SPAG16: variants seen among roughly 807,000 people sequenced by gnomAD.
SPAG16 encodes sperm-associated antigen 16 protein.
In SPAG16, 86 loss-of-function variants were observed where a neutral mutation model predicts 80.4. That is an observed-to-expected ratio of 1.07 (90% confidence interval 0.90 to 1.28). The LOEUF (loss-of-function observed/expected upper bound fraction) is 1.28. Among genes scored for constraint, SPAG16 ranks in the 50% most tolerant of loss-of-function variants. The pLI is 0.00. For missense variants in SPAG16, 870 were observed against 765.3 expected (o/e 1.14, Z -1.61); for synonymous variants, 294 against 265.9 (o/e 1.11, Z -1.03).
chr2:213,621,646 A>G (rs1010572202), intron 10 of SPAG16, among the ~76,000 whole-genome samples: 5 of 152,230 alleles, frequency 3.3e-5, no homozygotes, highest in Non-Finnish European at 7.4e-5. Flanking sequence ...ACAGTGAGAT[A>G]CATTTGAAAA....
In SPAG16 at chr2:213,487,358, G is replaced by GT. The variant is rs1191297337; in HGVS notation, c.943-2597dup. On this transcript the variant is annotated intron_variant, in intron 9 of 15. Transcript: ENST00000331683. ...TCTTGTCAATACAAAAAAAGGTTAT[G>GT]TTTTTTTTGCTTGGAAGAATAATTT... is the stretch of plus-strand genomic sequence containing the variant. Among the ~76,000 whole-genome samples, 10 of 151,640 alleles carry GT rather than the reference G, an allele frequency of 6.6e-5. No homozygotes were observed. The East Asian group carries it at 7.7e-4, about 12-fold the overall frequency.
chr2:213,633,965 T>G (rs1192554659), intron 10 of SPAG16, among the ~76,000 whole-genome samples: 2 of 152,138 alleles, frequency 1.3e-5, no homozygotes, highest in African/African-American at 4.8e-5. Flanking sequence ...GATTTTGTTT[T>G]GTCATCCATT....
chr2:213,409,470 C>T (rs184586389), intron 9 of SPAG16, among the ~76,000 whole-genome samples: 36 of 152,158 alleles, frequency 2.4e-4, no homozygotes, highest in Admixed American at 6.5e-4. Flanking sequence ...TAAACATACT[C>T]GCTAAAGTTA....
At chr2:213,541,595 G>A (rs1227745736) in intron 10 of SPAG16, among the ~76,000 whole-genome samples, 2 of 152,154 alleles carry the variant, frequency 1.3e-5, no homozygotes, top group Non-Finnish European at 2.9e-5. Flanking sequence ...ACTCCAGCCT[G>A]GGTGACACAG....
intron 15 of SPAG16, among the ~76,000 whole-genome samples, chr2:214,352,584 C>CGTGTGACTGAG (rs1698495974): frequency 7.6e-6 from 1 of 131,382 alleles, no homozygotes; most frequent in African/African-American, 4.0e-5. Flanking sequence ...GTATGTGTGA[C>CGTGTGACTGAG]TATCTCCTAA....
At chr2:214,001,851 G>C (rs1302305457) in intron 12 of SPAG16, among the ~76,000 whole-genome samples, 2 of 152,092 alleles carry the variant, frequency 1.3e-5, no homozygotes, top group Non-Finnish European at 2.9e-5. Flanking sequence ...AGTAAAGTAA[G>C]AGTTTGTGCG....
chr2:214,168,904 G>C (rs375563010), intron 15 of SPAG16, among the ~76,000 whole-genome samples: 1 of 152,106 alleles, frequency 6.6e-6, no homozygotes, highest in Non-Finnish European at 1.5e-5. Context: ...GGTAGCCTGA[G>C]CAAGTGTTGT....
intron 9 of SPAG16, among the ~76,000 whole-genome samples, chr2:213,483,168 C>A (rs1233073430): frequency 6.6e-6 from 1 of 152,072 alleles, no homozygotes; most frequent in Non-Finnish European, 1.5e-5. Flanking sequence ...GGATGCATGG[C>A]ATTCTATGGT....
At chr2:213,764,370 A>C (rs1407054824) in intron 10 of SPAG16, among the ~76,000 whole-genome samples, 1 of 151,792 alleles carries the variant, frequency 6.6e-6, no homozygotes, top group Non-Finnish European at 1.5e-5. Context: ...AGGAACATTC[A>C]GGGGGAAAAA....
At chr2:213,999,946 A>G (rs2046711710) in intron 12 of SPAG16, among the ~76,000 whole-genome samples, 1 of 152,176 alleles carries the variant, frequency 6.6e-6, no homozygotes, top group Admixed American at 6.5e-5. Flanking sequence ...TGTATCTAGG[A>G]AGTAACTAGC....
At chr2:213,831,263 C>T (rs1244559432) in intron 10 of SPAG16, among the ~76,000 whole-genome samples, 1 of 151,908 alleles carries the variant, frequency 6.6e-6, no homozygotes, top group Non-Finnish European at 1.5e-5. Context: ...TGGTCTCGAA[C>T]TCCTGACCTC....
chr2:213,844,802 C>A (rs1376923092), intron 10 of SPAG16, among the ~76,000 whole-genome samples: 1 of 152,098 alleles, frequency 6.6e-6, no homozygotes, highest in Non-Finnish European at 1.5e-5. Flanking sequence ...TGTTTTTAGT[C>A]ATTCGTCTTT....
intron 10 of SPAG16, among the ~76,000 whole-genome samples, chr2:213,694,821 G>A (rs934728340): frequency 6.7e-6 from 1 of 149,322 alleles, no homozygotes; most frequent in African/African-American, 2.5e-5. Context: ...CTCCTGTTCT[G>A]AATTCTGTAA....
At chr2:213,436,269 G>T (rs571838881) in intron 9 of SPAG16, among the ~76,000 whole-genome samples, 7 of 152,226 alleles carry the variant, frequency 4.6e-5, no homozygotes, top group Non-Finnish European at 1.0e-4. Flanking sequence ...ACATTTAAGA[G>T]TGAGGAGAAA....
intron 11 of SPAG16, among the ~76,000 whole-genome samples, chr2:213,870,168 A>T (rs2075891637): frequency 6.6e-6 from 1 of 152,152 alleles, no homozygotes; most frequent in African/African-American, 2.4e-5. Context: ...GCTGTTGCAC[A>T]TTGAAGAGCA....
intron 3 of SPAG16, among the ~76,000 whole-genome samples, chr2:213,309,482 G>A (rs1048881182): frequency 4.6e-5 from 7 of 151,940 alleles, no homozygotes; most frequent in Admixed American, 2.6e-4. Flanking sequence ...GCATTAAAAG[G>A]TCCATGCATT....
At chr2:214,074,814 G>A (rs1383022641) in intron 13 of SPAG16, among the ~76,000 whole-genome samples, 1 of 152,126 alleles carries the variant, frequency 6.6e-6, no homozygotes, top group Admixed American at 6.6e-5. Context: ...TCAAGGAAAT[G>A]TCCTTTGAAA....
At chr2:213,670,003 T>TA (rs1395629333) in intron 10 of SPAG16, among the ~76,000 whole-genome samples, 3 of 146,228 alleles carry the variant, frequency 2.1e-5, no homozygotes, top group Non-Finnish European at 4.5e-5. Flanking sequence ...TTCTAATTCT[T>TA]TTTTTTTTTT....
chr2:213,700,686 T>A (rs554079896), intron 10 of SPAG16, among the ~76,000 whole-genome samples: 4 of 152,316 alleles, frequency 2.6e-5, no homozygotes, highest in South Asian at 2.1e-4. Flanking sequence ...TAATGGAAAA[T>A]AAAGATAATG....
Sources: allele counts gnomAD v4.1 joint callset (sites outside exome capture counted in the v4.1 genomes callset), GRCh38; gene constraint gnomAD v4.1.1; transcripts MANE v1.5; gene names NCBI Gene and HGNC (gene_info 2026-07-23, HGNC 2026-07-21).